PLA2G6: variants seen among roughly 807,000 people sequenced by gnomAD.
PLA2G6 encodes 85/88 kDa calcium-independent phospholipase A2.
PLA2G6 carries 62 observed loss-of-function variants against 83.8 expected under a neutral mutation model. The ratio of observed to expected loss-of-function variants is 0.74; its 90% CI spans 0.60 to 0.91. The LOEUF (loss-of-function observed/expected upper bound fraction) is 0.91. Among genes scored for constraint, PLA2G6 ranks in the 40% least tolerant of loss-of-function variants. The pLI is 0.00. For synonymous variants in PLA2G6, 417 were observed against 449.8 expected, an observed-to-expected ratio of 0.93 and a Z score of 0.92; for missense variants, 944 against 1,102.0, an observed-to-expected ratio of 0.86 and a Z score of 2.03.
Position 38,111,735 on chromosome 22 carries a change from G to A in PLA2G6, c.*426C>T, listed in dbSNP as rs1036858525. On this transcript the variant is annotated 3_prime_UTR_variant, in exon 17 of 17. Transcript: ENST00000332509. ...GTCCCAGCCCCCAGGGAACGGAGCAGAGGGCAGAGGGAGTGGGCTGCACCC... is the reference window on the plus strand; with the variant it reads ...GTCCCAGCCCCCAGGGAACGGAGCAAAGGGCAGAGGGAGTGGGCTGCACCC... The A allele has an allele frequency of 3.4e-6, 1 of 290,072 alleles. No homozygotes were observed. The highest frequency in any genetic ancestry group is 6.8e-6 in the Non-Finnish European group (1 of 146,456). The allele number at this position is 290,072 out of a possible 1,614,324, so 18.0% of individuals were successfully genotyped here. A position where few individuals can be genotyped will look rare whatever the true frequency, so the allele number is the denominator to read the frequency against.
intron 1 of PLA2G6, among the ~76,000 whole-genome samples, chr22:38,178,973 T>C (rs944622223): frequency 6.6e-6 from 1 of 152,146 alleles, no homozygotes; most frequent in African/African-American, 2.4e-5. Context: ...AACAGGTAAA[T>C]ATTTACAAAG....
At chr22:38,125,825 G>C in intron 10 of PLA2G6, 1 of 415,586 alleles carries the variant, frequency 2.4e-6, no homozygotes, top group Admixed American at 2.7e-5. Flanking sequence ...CATTTGTCCT[G>C]GTACCTTGCC....
In PLA2G6 at chr22:38,169,236, T is replaced by C. The variant is rs1165966405; in HGVS notation, c.191A>G (p.Asn64Ser). ...CACCCACCGGAATCCACTCTGTGAGTTCCTGGGGTTGACCAGGACGCAGTC... is the reference window on the plus strand; with the variant it reads ...CACCCACCGGAATCCACTCTGTGAGCTCCTGGGGTTGACCAGGACGCAGTC... Reference protein sequence around the residue: ...TWDCVLVNPRNSQSGFRLFQL... With the variant: ...TWDCVLVNPRSSQSGFRLFQL... Residue 64 changes from asparagine (N) to serine (S), a missense_variant, in exon 2 of 17, where the codon AAC becomes AGC. Physicochemically the swap from Asn to Ser is conservative, Grantham distance 46. Coordinates refer to ENST00000332509, the MANE Select transcript of PLA2G6 (RefSeq NM_003560.4). The C allele has an allele frequency of 3.1e-6, 5 of 1,613,518 alleles. No individual in the cohort carries two copies. The highest frequency in any genetic ancestry group is 2.2e-5 in the East Asian group (1 of 44,884).
intron 1 of PLA2G6, among the ~76,000 whole-genome samples, chr22:38,176,703 G>A (rs1357481067): frequency 6.6e-6 from 1 of 152,170 alleles, no homozygotes. Context: ...GGTTGGCAAA[G>A]GGTTTCACAC....
Position 38,132,625 on chromosome 22 carries a change from G to C in PLA2G6, c.1077+206C>G, listed in dbSNP as rs1274549382. On this transcript the variant is annotated intron_variant, in intron 7 of 16. Transcript: ENST00000332509. The surrounding 1 kb of genome is among the most constrained non-coding windows in gnomAD (Gnocchi z 5.0). ...GGTGGAAAAGGTACCACAGCACACA[G>C]GAGGTGGTGTTATTTTGGGCTGAGA... 2.2e-5 allele frequency: 13 copies of C among 598,514 alleles called. No homozygotes were observed. Among genetic ancestry groups the C allele is most frequent in the Non-Finnish European group, 3.9e-5 (13 of 335,260 alleles). 37.1% of individuals were successfully genotyped at this position (598,514 alleles called of 1,614,324 possible). A position where few individuals can be genotyped will look rare whatever the true frequency, so the allele number is the denominator to read the frequency against.
chr22:38,117,131 G>A (rs11570750), intron 12 of PLA2G6, among the ~76,000 whole-genome samples: 50,274 of 151,654 alleles, frequency 0.33, 8,732 homozygotes, highest in South Asian at 0.43. Flanking sequence ...ACTCTTCCAA[G>A]AAAAATAAAA....
chr22:38,151,532 T>C (rs1255187080), intron 2 of PLA2G6, among the ~76,000 whole-genome samples: 1 of 152,186 alleles, frequency 6.6e-6, no homozygotes, highest in African/African-American at 2.4e-5. Flanking sequence ...TGAGCCATCG[T>C]GCTGGGCCAA....
chr22:38,175,672 C>T (rs1224342145), intron 1 of PLA2G6, among the ~76,000 whole-genome samples: 1 of 152,172 alleles, frequency 6.6e-6, no homozygotes, highest in African/African-American at 2.4e-5. Context: ...TCTGAAAATT[C>T]ATACCCGCAC....
At position 38,115,566 on chromosome 22, in the gene PLA2G6, C is replaced by A; in HGVS notation, c.1995G>T (p.Met665Ile). The change falls in exon 14 of 17, where the codon ATG becomes ATT. Residue 665 changes from methionine to isoleucine, a missense_variant. Met to Ile is a conservative substitution (Grantham distance 10, BLOSUM62 1). Transcript: ENST00000332509. ...CCTGATTGTACTCATGGATCTCGGT[C>A]ATGGCATCCAGCGTGGGGTTGTTGG... ...LLANNPTLDA[M>I]TEIHEYNQDL... 1 of 1,613,620 alleles carries A rather than the reference C, an allele frequency of 6.2e-7. No homozygotes were observed. The highest frequency in any genetic ancestry group is 1.1e-5 in the South Asian group (1 of 90,968).
At chr22:38,177,675 G>T (rs1316974851) in intron 1 of PLA2G6, among the ~76,000 whole-genome samples, 2 of 152,022 alleles carry the variant, frequency 1.3e-5, no homozygotes, top group East Asian at 3.9e-4. Flanking sequence ...TGTTAACCAG[G>T]CTGGTCTTGA....
At chr22:38,172,748 G>A (rs574716972) in intron 1 of PLA2G6, among the ~76,000 whole-genome samples, 4 of 152,332 alleles carry the variant, frequency 2.6e-5, no homozygotes, top group East Asian at 3.9e-4. Flanking sequence ...CAGCACCCAT[G>A]AGCCTCAGAT....
chr22:38,180,568 A>G (rs2090808638), intron 1 of PLA2G6, among the ~76,000 whole-genome samples: 1 of 152,156 alleles, frequency 6.6e-6, no homozygotes, highest in Non-Finnish European at 1.5e-5. Flanking sequence ...ATGAACAAAC[A>G]CTGCCAAATG....
chr22:38,139,217 G>C, intron 5 of PLA2G6: 1 of 152,074 alleles, frequency 6.6e-6, no homozygotes, highest in East Asian at 1.9e-4. Flanking sequence ...GAAGCCATCG[G>C]GGGGCTGTTC....
In PLA2G6 at chr22:38,123,596, T is replaced by C. The variant is rs2087655943; in HGVS notation, c.1428-338A>G. Among the ~76,000 whole-genome samples the C allele has an allele frequency of 6.6e-6, 1 of 151,490 alleles. No individual in the cohort carries two copies. The highest frequency in any genetic ancestry group is 6.6e-5 in the Admixed American group (1 of 15,190). On this transcript the variant is annotated intron_variant, in intron 10 of 16. Transcript: ENST00000332509. The surrounding 1 kb of genome is among the most constrained non-coding windows in gnomAD (Gnocchi z 4.1). The stretch of plus-strand genomic sequence containing the variant: ...AGTATCAGGCCTGATCCAAAGCAGG[T>C]GCCTGATAAAGTCTGTTGGAATTAA...
intron 1 of PLA2G6, among the ~76,000 whole-genome samples, chr22:38,172,839 C>A (rs564602310): frequency 5.3e-5 from 8 of 152,320 alleles, no homozygotes; most frequent in Admixed American, 1.3e-4. Context: ...AGCCTGTGTA[C>A]CCCCCACCAG....
chr22:38,132,457 ACTCTTCC>A lies in PLA2G6; in HGVS notation c.1077+367_1077+373del. On this transcript the variant is annotated intron_variant, in intron 7 of 16. Transcript: ENST00000332509. This position sits in a 1 kb window ranked among gnomAD's most constrained non-coding sequence, Gnocchi z 5.0. ...AAGTGTCCACCATAACTTTTCCACA[ACTCTTCC>A]AGATAAGTATTGACACCACCATTTT... 2.8e-6 allele frequency: 1 copy of A among 351,864 alleles called. No individual in the cohort carries two copies. Among genetic ancestry groups the A allele is most frequent in the South Asian group, 2.8e-5 (1 of 35,220 alleles). 21.8% of individuals were successfully genotyped at this position (351,864 alleles called of 1,614,324 possible). A position where few individuals can be genotyped will look rare whatever the true frequency, so the allele number is the denominator to read the frequency against.
Position 38,120,752 on chromosome 22 carries a change from G to A in PLA2G6, c.1742+7C>T, listed in dbSNP as rs1260554398. 6.2e-7 allele frequency: 1 copy of A among 1,613,534 alleles called. No homozygotes were observed. The highest frequency in any genetic ancestry group is 8.5e-7 in the Non-Finnish European group (1 of 1,180,006). On this transcript the variant is annotated splice_region_variant and intron_variant, in intron 12 of 16. Coordinates refer to ENST00000332509, the MANE Select transcript of PLA2G6 (RefSeq NM_003560.4). ...TGCGGCCACGGCCCCAGTGCGCCAG[G>A]GCTTACTTGGGTTTCCTGACGTCCG...
chr22:38,142,472 A>C (rs1211488069), intron 4 of PLA2G6: 1 of 157,176 alleles, frequency 6.4e-6, no homozygotes, highest in Non-Finnish European at 1.4e-5. Flanking sequence ...AAATGCCTAC[A>C]GGAACTGGAG....
Position 38,128,201 on chromosome 22 carries a change from T to C in PLA2G6, c.1348+68A>G. On this transcript the variant is annotated intron_variant, in intron 9 of 16. Coordinates refer to ENST00000332509, the MANE Select transcript of PLA2G6 (RefSeq NM_003560.4). This position sits in a 1 kb window ranked among gnomAD's most constrained non-coding sequence, Gnocchi z 4.4. ...CGTCCTAGGGATCCTGTTGCTTTGG[T>C]GGGGCCTGCTGTGATCCAGGGGCCT... 1 of 1,509,142 alleles carries C rather than the reference T, an allele frequency of 6.6e-7. No homozygotes were observed. The highest frequency in any genetic ancestry group is 1.7e-5 in the Admixed American group (1 of 59,656). 93.5% of individuals were successfully genotyped at this position (1,509,142 alleles called of 1,614,324 possible). A position where few individuals can be genotyped will look rare whatever the true frequency, so the allele number is the denominator to read the frequency against.
Sources: gnomAD v4.1 joint callset for allele counts (sites outside exome capture counted in the v4.1 genomes callset) on GRCh38, gnomAD v4.1.1 for gene constraint, Gnocchi (gnomAD v3.1) non-coding constraint, MANE v1.5 for transcripts, NCBI Gene and HGNC (gene_info 2026-07-23, HGNC 2026-07-21) for gene names.